The following OPCML variants were observed in gnomAD, a reference collection of about 807,000 sequenced individuals.
OPCML encodes the protein opioid binding protein/cell adhesion molecule like, also known as opioid-binding protein/cell adhesion molecule.
In OPCML, 13 loss-of-function variants were observed where a neutral mutation model predicts 37.8. That is an observed-to-expected ratio of 0.34 (90% CI 0.22 to 0.55). OPCML has a LOEUF of 0.55. OPCML is among the 20% of genes least tolerant of loss of function. The probability of loss-of-function intolerance (pLI) is 0.91; values close to 1 mark genes in which losing one functional copy is unlikely to be tolerated. For synonymous variants in OPCML, 176 were observed against 168.8 expected (o/e 1.04, Z -0.33); for missense variants, 341 against 435.6 (o/e 0.78, Z 1.93).
chr11:133,305,443 C>G (rs184244439), intron 1 of OPCML, among the ~76,000 whole-genome samples: 55 of 152,302 alleles, frequency 3.6e-4, no homozygotes, highest in African/African-American at 1.3e-3. Flanking sequence ...CTCAAATAAA[C>G]ATATCATAAA....
At chr11:132,904,302 C>T (rs1230059520) in intron 2 of OPCML, among the ~76,000 whole-genome samples, 1 of 152,210 alleles carries the variant, frequency 6.6e-6, no homozygotes, top group Non-Finnish European at 1.5e-5. Flanking sequence ...AGGAGCTGCC[C>T]AGCACTCATC....
chr11:132,838,498 G>A (rs924013151), intron 2 of OPCML, among the ~76,000 whole-genome samples: 8 of 152,062 alleles, frequency 5.3e-5, no homozygotes, highest in African/African-American at 9.7e-5. Flanking sequence ...CAGAAGAACC[G>A]CCTGTCCAAT....
At chr11:132,923,631 A>G (rs537578619) in intron 2 of OPCML, among the ~76,000 whole-genome samples, 1 of 152,120 alleles carries the variant, frequency 6.6e-6, no homozygotes, top group Non-Finnish European at 1.5e-5. Context: ...AAATATATAC[A>G]TGTCTGATTG....
chr11:133,051,271 C>T (rs976047084), intron 1 of OPCML, among the ~76,000 whole-genome samples: 1 of 152,162 alleles, frequency 6.6e-6, no homozygotes, highest in African/African-American at 2.4e-5. Context: ...GGGTGTCTAG[C>T]GTCTGTGAAG....
intron 1 of OPCML, among the ~76,000 whole-genome samples, chr11:133,520,776 C>T (rs1398153592): frequency 2.0e-5 from 3 of 152,170 alleles, no homozygotes; most frequent in African/African-American, 4.8e-5. Context: ...CTTGAGGCTC[C>T]GTGTTGGAGC....
chr11:133,261,973 T>C, intron 1 of OPCML, among the ~76,000 whole-genome samples: 1 of 152,214 alleles, frequency 6.6e-6, no homozygotes. Flanking sequence ...CCATTGTTCC[T>C]GTCCTGCCCT....
chr11:133,028,618 C>T (rs1039818642), intron 1 of OPCML, among the ~76,000 whole-genome samples: 1 of 151,858 alleles, frequency 6.6e-6, no homozygotes, highest in Admixed American at 6.6e-5. Context: ...ACTCAGTTCC[C>T]CCATAGTTGC....
Position 133,174,809 on chromosome 11 carries a change from G to C in OPCML, c.62-231799C>G, listed in dbSNP as rs79360136. Among the ~76,000 whole-genome samples, 4,472 of 152,040 alleles carry C rather than the reference G, an allele frequency of 0.029. 208 individuals carry two copies. Among genetic ancestry groups the C allele is most frequent in the African/African-American group, 0.1 (4,246 of 41,450 alleles). On this transcript the variant is annotated intron_variant, in intron 1 of 7. Transcript: ENST00000524381. This position sits in a 1 kb window ranked among gnomAD's most constrained non-coding sequence, Gnocchi z 4.6. ...TTCATTTATGATGAGTGTATACTTC[G>C]TGTGCACTAGAAAAAGAGTACTTTA... is the stretch of plus-strand genomic sequence containing the variant.
rs191769542 is a variant in OPCML, at chr11:133,372,659, A to G, written c.61+159605T>C. On this transcript the variant is annotated intron_variant, in intron 1 of 7. Coordinates refer to ENST00000524381, the MANE Select transcript of OPCML (RefSeq NM_001012393.5). ...TGTGGATGTGTTTGAGAAACAATAA[A>G]GCACTTCACAGGTAATTATCATTAT... 7.2e-5 allele frequency among the ~76,000 whole-genome samples: 11 copies of G among 152,326 alleles called. No homozygotes were observed. The East Asian group carries it at 2.1e-3, about 29-fold the overall frequency.
At chr11:133,469,869 T>C (rs1452514751) in intron 1 of OPCML, among the ~76,000 whole-genome samples, 1 of 152,212 alleles carries the variant, frequency 6.6e-6, no homozygotes, top group Non-Finnish European at 1.5e-5. Context: ...ATTCTGCCCA[T>C]TCTTAAAGAG....
At chr11:132,939,022 T>C (rs1591828017) in intron 2 of OPCML, among the ~76,000 whole-genome samples, 2 of 152,224 alleles carry the variant, frequency 1.3e-5, no homozygotes, top group African/African-American at 4.8e-5. Context: ...AGGTCCTTTA[T>C]GGACCTGTCC....
chr11:133,072,155 T>A (rs1196609436), intron 1 of OPCML, among the ~76,000 whole-genome samples: 2 of 149,300 alleles, frequency 1.3e-5, no homozygotes, highest in African/African-American at 5.0e-5. Flanking sequence ...AGTACTGGTT[T>A]CTTTAATGGC....
chr11:133,071,746 A>G (rs1363122005), intron 1 of OPCML, among the ~76,000 whole-genome samples: 2 of 152,214 alleles, frequency 1.3e-5, no homozygotes, highest in Admixed American at 1.3e-4. Flanking sequence ...TTAGCTAAAT[A>G]TTTGGTGTCT....
intron 4 of OPCML, among the ~76,000 whole-genome samples, chr11:132,453,656 C>T (rs2096074172): frequency 6.6e-6 from 1 of 152,150 alleles, no homozygotes; most frequent in African/African-American, 2.4e-5. Flanking sequence ...GTGATTAAGC[C>T]CCTCGGCAGG....
At chr11:133,244,622 G>T (rs1261927826) in intron 1 of OPCML, among the ~76,000 whole-genome samples, 1 of 152,084 alleles carries the variant, frequency 6.6e-6, no homozygotes, top group Non-Finnish European at 1.5e-5. Context: ...TTTCCCCCTT[G>T]CTGTTCTCAG....
At chr11:132,771,397 A>G (rs1184178917) in intron 2 of OPCML, among the ~76,000 whole-genome samples, 1 of 152,188 alleles carries the variant, frequency 6.6e-6, no homozygotes, top group Non-Finnish European at 1.5e-5. Context: ...GCCTGTAATA[A>G]ATCAATTAGC....
intron 2 of OPCML, among the ~76,000 whole-genome samples, chr11:132,813,485 C>G (rs1367410315): frequency 6.6e-6 from 1 of 152,178 alleles, no homozygotes; most frequent in Non-Finnish European, 1.5e-5. Flanking sequence ...ACTACCAATG[C>G]AAGAGAAGCA....
At chr11:132,845,721 C>T (rs1225653201) in intron 2 of OPCML, among the ~76,000 whole-genome samples, 5 of 152,200 alleles carry the variant, frequency 3.3e-5, no homozygotes, top group East Asian at 1.9e-4. Context: ...TAGAGATTCC[C>T]GTCACTCTGT....
intron 7 of OPCML, among the ~76,000 whole-genome samples, chr11:132,423,560 G>T (rs2095967378): frequency 6.6e-6 from 1 of 152,178 alleles, no homozygotes; most frequent in Admixed American, 6.5e-5. Flanking sequence ...CATGGGCAAT[G>T]AACTCATTCT....
Sources: gnomAD v4.1 joint callset for allele counts (sites outside exome capture counted in the v4.1 genomes callset) on GRCh38, gnomAD v4.1.1 for gene constraint, Gnocchi (gnomAD v3.1) non-coding constraint, MANE v1.5 for transcripts, NCBI Gene and HGNC (gene_info 2026-07-23, HGNC 2026-07-21) for gene names.